Variants in HSPA5 observed in about 807,000 individuals in gnomAD.
HSPA5 encodes endoplasmic reticulum chaperone BiP.
In HSPA5, 16 loss-of-function variants were observed where a neutral mutation model predicts 49.5. The observed-to-expected ratio is 0.32, with a 90% CI of 0.22 to 0.49. HSPA5 has a LOEUF of 0.49. Among genes scored for constraint, HSPA5 ranks in the 20% least tolerant of loss-of-function variants. The pLI is 0.99. For missense variants in HSPA5, 376 were observed against 819.0 expected (o/e 0.46, Z 6.60); for synonymous variants, 271 against 307.2 (o/e 0.88, Z 1.23).
chr9:125,238,999 T>A lies in HSPA5; in HGVS notation c.938A>T (p.Tyr313Phe), dbSNP rs545601947. The change falls in exon 5 of 8, where the codon TAT becomes TTT. Residue 313 changes from tyrosine to phenylalanine, a missense_variant. Tyr to Phe is a conservative substitution (Grantham distance 22, BLOSUM62 3). This residue lies in a region of HSPA5 where 89 missense variants were observed against 155.9 expected (regional missense o/e 0.57). Coordinates refer to ENST00000324460, the MANE Select transcript of HSPA5 (RefSeq NM_005347.5). ...HQARIEIESFYEGEDFSETLT... is the reference protein window; with the variant it reads ...HQARIEIESFFEGEDFSETLT... ...GGTCTCAGAAAAGTCTTCTCCTTCATAGAAGGACTCAATTTCAATTCTTGC... is the reference window on the plus strand; with the variant it reads ...GGTCTCAGAAAAGTCTTCTCCTTCAAAGAAGGACTCAATTTCAATTCTTGC... 6.2e-7 allele frequency: 1 copy of A among 1,613,892 alleles called. No individual in the cohort carries two copies. Among genetic ancestry groups the A allele is most frequent in the South Asian group, 1.1e-5 (1 of 91,058 alleles).
Position 125,240,606 on chromosome 9 carries a change from G to T in HSPA5, c.354+70C>A, listed in dbSNP as rs1832552047. On this transcript the variant is annotated intron_variant, in intron 2 of 7. Coordinates refer to ENST00000324460, the MANE Select transcript of HSPA5 (RefSeq NM_005347.5). The surrounding 1 kb of genome is among the most constrained non-coding windows in gnomAD (Gnocchi z 4.4). ...CAACTGTTGTCTCAACACTTTTCCA[G>T]AGACTTATAACTCTAAATACTCCCA... 1 of 1,288,758 alleles carries T rather than the reference G, an allele frequency of 7.8e-7. No individual in the cohort carries two copies. 79.8% of individuals were successfully genotyped at this position (1,288,758 alleles called of 1,614,324 possible). A position where few individuals can be genotyped will look rare whatever the true frequency, so the allele number is the denominator to read the frequency against.
rs1176800789 is a variant in HSPA5 at position 125,241,007 on chromosome 9, G to C, written c.120C>G (p.Ser40=). The C allele has an allele frequency of 6.8e-6, 11 of 1,613,362 alleles. No homozygotes were observed. The highest frequency in any genetic ancestry group is 1.7e-4 in the Middle Eastern group (1 of 6,054). Residue 40 remains serine, a splice_region_variant and synonymous_variant, in exon 1 of 8, where the codon TCC becomes TCG. Coordinates refer to ENST00000324460, the MANE Select transcript of HSPA5 (RefSeq NM_005347.5). The part of the protein sequence containing the change: ...VVGIDLGTTY[S]CVGVFKNGRV... ...CCTGCATCCGCAACCCCACTTACCA[G>C]GAGTAGGTGGTCCCCAGGTCGATGC...
chr9:125,240,371 C>A lies in HSPA5; in HGVS notation c.355-62G>T, dbSNP rs1229725154. On this transcript the variant is annotated intron_variant, in intron 2 of 7. Coordinates refer to ENST00000324460, the MANE Select transcript of HSPA5 (RefSeq NM_005347.5). This position sits in a 1 kb window ranked among gnomAD's most constrained non-coding sequence, Gnocchi z 4.4. ...AATGACATCTCAAAGTTTAAAAGAC[C>A]CACTACCATCCCCACAATTTGGTTT... 9.9e-6 allele frequency: 14 copies of A among 1,416,784 alleles called. No individual in the cohort carries two copies. Among genetic ancestry groups the A allele is most frequent in the Non-Finnish European group, 1.1e-5 (11 of 1,030,188 alleles). The allele number at this position is 1,416,784 out of a possible 1,614,324, so 87.8% of individuals were successfully genotyped here.
Sources: allele counts gnomAD v4.1 joint callset, GRCh38; gene constraint gnomAD v4.1.1; regional missense constraint gnomAD v4.1.1; non-coding constraint Gnocchi (gnomAD v3.1); transcripts MANE v1.5; gene names NCBI Gene and HGNC (gene_info 2026-07-23, HGNC 2026-07-21).